PCLO: variants seen among roughly 807,000 people sequenced by gnomAD.
The protein encoded by PCLO is protein piccolo.
PCLO carries 82 observed loss-of-function variants against 427.5 expected under a neutral mutation model. The ratio of observed to expected loss-of-function variants is 0.19; its 90% CI spans 0.16 to 0.23. PCLO has a LOEUF of 0.23. Ranked by LOEUF, PCLO falls within the 10% of genes least tolerant of loss-of-function variation. The probability of loss-of-function intolerance (pLI) is 1.00; values close to 1 mark genes in which losing one functional copy is unlikely to be tolerated. For missense variants in PCLO, 6,239 were observed against 6,115.9 expected (o/e 1.02, Z -0.67); for synonymous variants, 2,357 against 2,155.4 (o/e 1.09, Z -2.59).
intron 7 of PCLO, among the ~76,000 whole-genome samples, chr7:82,909,712 T>C (rs1288857956): frequency 6.6e-6 from 1 of 152,096 alleles, no homozygotes; most frequent in Non-Finnish European, 1.5e-5. Context: ...AATTCTTGTG[T>C]TATTGTTAGG....
At chr7:82,987,637 TA>T (rs976313919) in intron 3 of PCLO, among the ~76,000 whole-genome samples, 3 of 151,602 alleles carry the variant, frequency 2.0e-5, no homozygotes, top group South Asian at 2.1e-4. Context: ...AAACTTGATC[TA>T]AAAAAAAGCT....
At chr7:83,017,627 T>C (rs1053959177) in intron 3 of PCLO, among the ~76,000 whole-genome samples, 1 of 151,986 alleles carries the variant, frequency 6.6e-6, no homozygotes, top group African/African-American at 2.4e-5. Flanking sequence ...TAATGATATA[T>C]TGAAATGTAT....
rs1410721600 is a variant in PCLO at position 82,757,714 on chromosome 7, G to A, written c.*861C>T. On this transcript the variant is annotated 3_prime_UTR_variant, in exon 25 of 25. Transcript: ENST00000333891. ...CATATCAGTTTACTCTAGGTCCTTTGGTACATAGACTGAAGATGTCTTGGC... is the reference window on the plus strand; with the variant it reads ...CATATCAGTTTACTCTAGGTCCTTTAGTACATAGACTGAAGATGTCTTGGC... 1 of 151,820 alleles carries A rather than the reference G, an allele frequency of 6.6e-6. No individual in the cohort carries two copies. Among genetic ancestry groups the A allele is most frequent in the Non-Finnish European group, 1.5e-5 (1 of 67,864 alleles). The allele number at this position is 151,820 out of a possible 1,614,324, so 9.4% of individuals were successfully genotyped here. A position where few individuals can be genotyped will look rare whatever the true frequency, so the allele number is the denominator to read the frequency against.
intron 1 of PCLO, 82 bp downstream of exon 1, chr7:83,162,263 G>C (rs1192702865): frequency 6.9e-7 from 1 of 1,441,978 alleles, no homozygotes; most frequent in East Asian, 2.5e-5. Flanking sequence ...ATGTACCGCC[G>C]TGCTGGCACA....
intron 3 of PCLO, among the ~76,000 whole-genome samples, chr7:83,072,337 A>C (rs898048336): frequency 2.0e-5 from 3 of 152,068 alleles, no homozygotes; most frequent in African/African-American, 7.2e-5. Flanking sequence ...AACTGCCAAA[A>C]CCTAACAAAA....
intron 6 of PCLO, among the ~76,000 whole-genome samples, chr7:82,944,612 T>C (rs1484783338): frequency 6.6e-6 from 1 of 152,134 alleles, no homozygotes; most frequent in Non-Finnish European, 1.5e-5. Flanking sequence ...CTACCAGGTA[T>C]AGGAGTCGGC....
At position 83,027,477 on chromosome 7, in the gene PCLO, C is replaced by G. The variant is rs1391220608; in HGVS notation, c.3301-60990G>C. 8.7e-4 allele frequency among the ~76,000 whole-genome samples: 129 copies of G among 148,228 alleles called. 1 individual carries two copies. The highest frequency in any genetic ancestry group is 2.9e-3 in the African/African-American group (116 of 40,332). On this transcript the variant is annotated intron_variant, in intron 3 of 24. Transcript: ENST00000333891. ...TGGCAATAATCAATAGCTTACCAACCAAAAAGAGTCCAGGACCAGATAGAT... is the reference window on the plus strand; with the variant it reads ...TGGCAATAATCAATAGCTTACCAACGAAAAAGAGTCCAGGACCAGATAGAT...
At chr7:83,041,237 G>A (rs2116211737) in intron 3 of PCLO, among the ~76,000 whole-genome samples, 1 of 152,080 alleles carries the variant, frequency 6.6e-6, no homozygotes, top group South Asian at 2.1e-4. Flanking sequence ...TATATAAAAA[G>A]AAATAAAGAT....
rs1790339762 is a variant in PCLO at position 82,757,330 on chromosome 7, A to G, written c.*1245T>C. On this transcript the variant is annotated 3_prime_UTR_variant, in exon 25 of 25. Coordinates refer to ENST00000333891, the MANE Select transcript of PCLO (RefSeq NM_033026.6). The stretch of plus-strand genomic sequence containing the variant: ...TTATTCATTATTATTAAAATAGCTC[A>G]AAGTATATTTTAATCTCAGGTAAAT... 6.6e-6 allele frequency: 1 copy of G among 152,024 alleles called. No homozygotes were observed. The highest frequency in any genetic ancestry group is 2.1e-4 in the South Asian group (1 of 4,826). The allele number at this position is 152,024 out of a possible 1,614,324, so 9.4% of individuals were successfully genotyped here.
chr7:82,871,256 T>C (rs1438551214), intron 10 of PCLO, among the ~76,000 whole-genome samples: 1 of 151,948 alleles, frequency 6.6e-6, no homozygotes, highest in African/African-American at 2.4e-5. Flanking sequence ...CAATACATAA[T>C]AGAATATTAT....
At chr7:82,991,153 CT>C (rs1796367571) in intron 3 of PCLO, among the ~76,000 whole-genome samples, 1 of 151,972 alleles carries the variant, frequency 6.6e-6, no homozygotes, top group Non-Finnish European at 1.5e-5. Flanking sequence ...TAGCTGTGGC[CT>C]TTTTGCCCAG....
intron 3 of PCLO, among the ~76,000 whole-genome samples, chr7:83,026,244 A>G (rs1788493388): frequency 1.3e-5 from 2 of 152,196 alleles, no homozygotes; most frequent in Admixed American, 6.5e-5. Flanking sequence ...GGCTCAAAAT[A>G]AAAGGATGGA....
At chr7:82,941,005 G>A (rs1006516411) in intron 6 of PCLO, among the ~76,000 whole-genome samples, 7 of 151,494 alleles carry the variant, frequency 4.6e-5, no homozygotes, top group African/African-American at 1.7e-4. Context: ...CTTGTGATCT[G>A]CCTGCCTCGG....
intron 22 of PCLO, among the ~76,000 whole-genome samples, chr7:82,780,799 C>G (rs1443886235): frequency 6.6e-6 from 1 of 152,190 alleles, no homozygotes; most frequent in South Asian, 2.1e-4. Flanking sequence ...AAGACAGTAT[C>G]TGTTACAAAA....
chr7:82,966,420 C>T lies in PCLO; in HGVS notation c.3368G>A (p.Arg1123His), dbSNP rs115735993. ...TCCTGATGGTGCAGGTGGCATTTTG[C>T]GTATGTCTCCAAGCTGTCCTGATAT... ...RAISGQLGDI[R>H]KMPPAPSGPK... Residue 1123 changes from arginine to histidine, a missense_variant, in exon 4 of 25, where the codon CGC becomes CAC. Arg to His is a conservative substitution (Grantham distance 29, BLOSUM62 0). Coordinates refer to ENST00000333891, the MANE Select transcript of PCLO (RefSeq NM_033026.6). 2.6e-4 allele frequency: 416 copies of T among 1,612,910 alleles called. 2 individuals carry two copies. In the African/African-American group the frequency reaches 4.0e-3, roughly 16 times the overall value.
rs141802162 is a variant in PCLO at position 83,024,311 on chromosome 7, G to T, written c.3301-57824C>A. Among the ~76,000 whole-genome samples, 1,277 of 152,286 alleles carry T rather than the reference G, an allele frequency of 8.4e-3. 13 individuals carry two copies. Among genetic ancestry groups the T allele is most frequent in the African/African-American group, 0.029 (1,209 of 41,576 alleles). On this transcript the variant is annotated intron_variant, in intron 3 of 24. Coordinates refer to ENST00000333891, the MANE Select transcript of PCLO (RefSeq NM_033026.6). ...CACTCGGGAAGCGCAAGGGGTCACC[G>T]AGTTCCCTTTCCTAGTCAAAGAAAG...
intron 3 of PCLO, among the ~76,000 whole-genome samples, chr7:83,000,066 A>C (rs963755199): frequency 9.0e-5 from 13 of 144,510 alleles, no homozygotes; most frequent in South Asian, 2.2e-4. Context: ...CAAAAAAAAA[A>C]CCACACCAAC....
At chr7:82,847,277 A>C in intron 10 of PCLO, 30 bp from the exon 11 acceptor site, 1 of 1,254,800 alleles carries the variant, frequency 8.0e-7, no homozygotes, top group East Asian at 2.4e-5. Context: ...TATAAAATCA[A>C]ACGTGTGCTA....
At chr7:82,843,509 T>C (rs1315358461) in intron 13 of PCLO, among the ~76,000 whole-genome samples, 1 of 152,108 alleles carries the variant, frequency 6.6e-6, no homozygotes, top group Non-Finnish European at 1.5e-5. Context: ...AATGTATATA[T>C]TCTTCAAAAT....
Sources: allele counts gnomAD v4.1 joint callset (sites outside exome capture counted in the v4.1 genomes callset), GRCh38; gene constraint gnomAD v4.1.1; transcripts MANE v1.5; gene names NCBI Gene and HGNC (gene_info 2026-07-23, HGNC 2026-07-21).